The following PGLYRP2 variants were observed in gnomAD, a reference collection of about 807,000 sequenced individuals.
PGLYRP2 encodes the protein peptidoglycan recognition protein 2.
Under a neutral mutation model 46.2 loss-of-function variants are expected in PGLYRP2, and 38 were observed. The ratio of observed to expected loss-of-function variants is 0.82; its 90% CI spans 0.64 to 1.08. The LOEUF is 1.08. Ranked by LOEUF, PGLYRP2 falls within the 50% of genes least tolerant of loss-of-function variation. The probability of loss-of-function intolerance (pLI) is 0.00; values close to 1 mark genes in which losing one functional copy is unlikely to be tolerated. For missense variants in PGLYRP2, 713 were observed against 755.9 expected (o/e 0.94, Z 0.67); for synonymous variants, 289 against 329.4 (o/e 0.88, Z 1.33).
At position 15,475,936 on chromosome 19, in the gene PGLYRP2, G is replaced by A; in HGVS notation, c.734C>T (p.Thr245Ile). ...SQTQSHPDLG[T>I]EGCWDQLSAP... ...AGAGAGCTGGTCCCAGCAGCCCTCA[G>A]TTCCCAGGTCTGGATGGCTCTGGGT... is the stretch of plus-strand genomic sequence containing the variant. Residue 245 changes from threonine (T) to isoleucine (I), a missense_variant, in exon 2 of 5, where the codon ACT becomes ATT. By Grantham distance (89) the Thr-to-Ile change is moderately conservative. Coordinates refer to ENST00000340880, the MANE Select transcript of PGLYRP2 (RefSeq NM_052890.4). The A allele has an allele frequency of 6.2e-7, 1 of 1,614,190 alleles. No homozygotes were observed.
At position 15,469,880 on chromosome 19, in the gene PGLYRP2, A is replaced by C. The variant is rs759340112; in HGVS notation, c.1393T>G (p.Trp465Gly). 2 of 1,484,042 alleles carry C rather than the reference A, an allele frequency of 1.3e-6. No homozygotes were observed. The highest frequency in any genetic ancestry group is 1.3e-5 in the South Asian group (1 of 74,506). The allele number at this position is 1,484,042 out of a possible 1,614,324, so 91.9% of individuals were successfully genotyped here. A position where few individuals can be genotyped will look rare whatever the true frequency, so the allele number is the denominator to read the frequency against. ...GYVYEGRGWHWVGAHTLGHNS... is the reference protein window; with the variant it reads ...GYVYEGRGWHGVGAHTLGHNS... ...TGGCCGAGCGTGTGGGCGCCCACCC[A>C]GTGCCAGCCGCGTCCCTCGTACACG... Residue 465 changes from tryptophan to glycine, a missense_variant, in exon 4 of 5, where the codon TGG becomes GGG. Coordinates refer to ENST00000340880, the MANE Select transcript of PGLYRP2 (RefSeq NM_052890.4). This position sits in a 1 kb window ranked among gnomAD's most constrained non-coding sequence, Gnocchi z 4.9.
chr19:15,476,009 C>T lies in PGLYRP2; in HGVS notation c.661G>A (p.Val221Ile), dbSNP rs764281051. ...AGGCCCAGGTTTCCAGCCAGGGTGA[C>T]TGCCAGGAGGCTGTCCACCATGGTC... ...PPTMVDSLLA[V>I]TLAGNLGLTF... Residue 221 changes from valine to isoleucine, a missense_variant, in exon 2 of 5, where the codon GTC becomes ATC. By Grantham distance (29) the Val-to-Ile change is conservative (BLOSUM62 3). Coordinates refer to ENST00000340880, the MANE Select transcript of PGLYRP2 (RefSeq NM_052890.4). 1 of 1,614,074 alleles carries T rather than the reference C, an allele frequency of 6.2e-7. No homozygotes were observed. Among genetic ancestry groups the T allele is most frequent in the Non-Finnish European group, 8.5e-7 (1 of 1,180,044 alleles).
intron 2 of PGLYRP2, 117 bp downstream of exon 2, chr19:15,475,421 C>A: frequency 1.9e-6 from 2 of 1,028,778 alleles, no homozygotes; most frequent in Non-Finnish European, 2.9e-6. Flanking sequence ...CCACCCCCGA[C>A]CAGATCCCTT....
intron 1 of PGLYRP2, among the ~76,000 whole-genome samples, chr19:15,478,707 A>G (rs1970819800): frequency 6.6e-6 from 1 of 150,538 alleles, no homozygotes; most frequent in Admixed American, 6.6e-5. Context: ...GCTCACTGCA[A>G]CCTCCTGAGT....
rs374903560 is a variant in PGLYRP2, at chr19:15,476,345, C to A, written c.325G>T (p.Gly109Trp). 1.2e-5 allele frequency: 19 copies of A among 1,614,032 alleles called. No homozygotes were observed. Among genetic ancestry groups the A allele is most frequent in the Non-Finnish European group, 1.4e-5 (17 of 1,180,028 alleles). Reference protein sequence around the residue: ...RHDVREGKEYGVVLAPDGSTV... With the variant: ...RHDVREGKEYWVVLAPDGSTV... ...GAGCCATCAGGTGCCAGCACCACCCCATATTCCTTCCCTTCTCGTACGTCA... is the reference window on the plus strand; with the variant it reads ...GAGCCATCAGGTGCCAGCACCACCCAATATTCCTTCCCTTCTCGTACGTCA... Residue 109 changes from glycine to tryptophan, a missense_variant, in exon 2 of 5, where the codon GGG becomes TGG. Physicochemically the swap from Gly to Trp is radical, Grantham distance 184 (BLOSUM62 -2). Transcript: ENST00000340880.
intron 2 of PGLYRP2, among the ~76,000 whole-genome samples, chr19:15,474,308 G>T (rs1344058433): frequency 6.6e-6 from 1 of 152,108 alleles, no homozygotes; most frequent in African/African-American, 2.4e-5. Flanking sequence ...TTGCACTCCA[G>T]CCTGGGAGAC....
chr19:15,478,748 G>A (rs958681689), intron 1 of PGLYRP2, among the ~76,000 whole-genome samples: 9 of 151,876 alleles, frequency 5.9e-5, no homozygotes, highest in Non-Finnish European at 1.2e-4. Flanking sequence ...AGCCTCCTGG[G>A]TAGCTGGGAT....
Position 15,469,386 on chromosome 19 carries a change from A to G in PGLYRP2, c.1641+246T>C. 2.8e-6 allele frequency: 2 copies of G among 709,284 alleles called. No homozygotes were observed. The allele number at this position is 709,284 out of a possible 1,614,324, so 43.9% of individuals were successfully genotyped here. A position where few individuals can be genotyped will look rare whatever the true frequency, so the allele number is the denominator to read the frequency against. The stretch of plus-strand genomic sequence containing the variant: ...AGAGGTATTAGGAGCTGGGGAAAGG[A>G]CAGGCTGGCTGGGTCTGGGGCTGAG... On this transcript the variant is annotated intron_variant, in intron 4 of 4. Transcript: ENST00000340880. This position sits in a 1 kb window ranked among gnomAD's most constrained non-coding sequence, Gnocchi z 4.9.
At chr19:15,470,417 C>G (rs1970737412) in intron 3 of PGLYRP2, among the ~76,000 whole-genome samples, 1 of 151,624 alleles carries the variant, frequency 6.6e-6, no homozygotes. Context: ...CTGCCTCAGC[C>G]TCCGGAGTAG....
chr19:15,472,061 G>A lies in PGLYRP2; in HGVS notation c.1172C>T (p.Ala391Val). 1.2e-6 allele frequency: 2 copies of A among 1,607,942 alleles called. No homozygotes were observed. Among genetic ancestry groups the A allele is most frequent in the Non-Finnish European group, 1.7e-6 (2 of 1,179,822 alleles). ...CAGCTTCGGGCGGCCCCGATAAGGCGCCGCTCCCCAGCGGCAGCGGGGGTG... is the reference window on the plus strand; with the variant it reads ...CAGCTTCGGGCGGCCCCGATAAGGCACCGCTCCCCAGCGGCAGCGGGGGTG... ...AIHPRCRWGA[A>V]PYRGRPKLLQ... Residue 391 changes from alanine (A) to valine (V), a missense_variant, in exon 3 of 5, where the codon GCG becomes GTG. Transcript: ENST00000340880.
intron 1 of PGLYRP2, among the ~76,000 whole-genome samples, chr19:15,477,392 CAAA>C (rs34640786): frequency 0.33 from 26,390 of 80,096 alleles, 2,972 homozygotes; most frequent in East Asian, 0.46. Context: ...GACTTTGTCT[CAAA>C]AAAAAAAAAA....
At position 15,476,693 on chromosome 19, in the gene PGLYRP2, G is replaced by A. The variant is rs1970801313; in HGVS notation, c.62-85C>T. On this transcript the variant is annotated intron_variant, in intron 1 of 4. Transcript: ENST00000340880. Reference sequence around the variant, plus strand: ...ATTCCACATCTACCCAATGCTCCCAGCCCTCCATCTGATAACCCCATGACC... The same window carrying A: ...ATTCCACATCTACCCAATGCTCCCAACCCTCCATCTGATAACCCCATGACC... 5.2e-6 allele frequency: 6 copies of A among 1,160,290 alleles called. No homozygotes were observed. In the East Asian group the frequency reaches 1.0e-4, roughly 20 times the overall value. The allele number at this position is 1,160,290 out of a possible 1,614,324, so 71.9% of individuals were successfully genotyped here. A position where few individuals can be genotyped will look rare whatever the true frequency, so the allele number is the denominator to read the frequency against.
At chr19:15,473,810 CAAGAAAGAA>C (rs2145517505) in intron 2 of PGLYRP2, among the ~76,000 whole-genome samples, 1 of 103,304 alleles carries the variant, frequency 9.7e-6, no homozygotes, top group Admixed American at 1.1e-4. Context: ...TCAAACAATT[CAAGAAAGAA>C]AAGAAAGAAA....
In PGLYRP2 at chr19:15,476,530, C is replaced by A. The variant is rs370923595; in HGVS notation, c.140G>T (p.Arg47Ile). ...CATCAGCCACGCAGAAGCTGTGTGT[C>A]TGGTCTTGGCAGCTGGCACTTTCTG... ...LEQKVPAAKT[R>I]HTASAWLMSA... Residue 47 changes from arginine (R) to isoleucine (I), a missense_variant, in exon 2 of 5, where the codon AGA becomes ATA. Transcript: ENST00000340880. 6 of 1,613,834 alleles carry A rather than the reference C, an allele frequency of 3.7e-6. No homozygotes were observed. In the African/African-American group the frequency reaches 8.0e-5, roughly 22 times the overall value.
At chr19:15,475,072 ACAAAT>A (rs1217249775) in intron 2 of PGLYRP2, among the ~76,000 whole-genome samples, 1 of 152,154 alleles carries the variant, frequency 6.6e-6, no homozygotes, top group Non-Finnish European at 1.5e-5. Context: ...ACACAGAAAG[ACAAAT>A]ACCGTAAGTT....
chr19:15,477,842 T>TA (rs536608174), intron 1 of PGLYRP2, among the ~76,000 whole-genome samples: 17 of 152,252 alleles, frequency 1.1e-4, no homozygotes, highest in African/African-American at 4.1e-4. Context: ...AATGCTAAGT[T>TA]AGGCTCAGAG....
rs1170064424 is a variant in PGLYRP2 at position 15,475,607 on chromosome 19, A to G, written c.1063T>C (p.Cys355Arg). The change falls in exon 2 of 5, where the codon TGC becomes CGC. Residue 355 changes from cysteine (C) to arginine (R), a missense_variant. Transcript: ENST00000340880. ...TGGGCCAGCTGTTCTTGGCTCATGCACTGAAGCTGGAGGTGTACTGGCTCC... is the reference window on the plus strand; with the variant it reads ...TGGGCCAGCTGTTCTTGGCTCATGCGCTGAAGCTGGAGGTGTACTGGCTCC... ...RLEPVHLQLQ[C>R]MSQEQLAQVA... 6.2e-7 allele frequency: 1 copy of G among 1,614,064 alleles called. No individual in the cohort carries two copies. The highest frequency in any genetic ancestry group is 1.7e-5 in the Admixed American group (1 of 60,002).
chr19:15,475,498 T>C, intron 2 of PGLYRP2, 40 bp downstream of exon 2: 1 of 1,526,294 alleles, frequency 6.6e-7, no homozygotes, highest in South Asian at 1.3e-5. Context: ...CGTCTGTGTC[T>C]GTAATGGGAA....
intron 1 of PGLYRP2, among the ~76,000 whole-genome samples, chr19:15,477,279 G>C (rs906831674): frequency 1.3e-5 from 2 of 151,446 alleles, no homozygotes; most frequent in African/African-American, 2.4e-5. Context: ...TGTAATCCCA[G>C]CTACTTGGGA....
Sources: gnomAD v4.1 joint callset for allele counts (sites outside exome capture counted in the v4.1 genomes callset) on GRCh38, gnomAD v4.1.1 for gene constraint, Gnocchi (gnomAD v3.1) non-coding constraint, MANE v1.5 for transcripts, NCBI Gene and HGNC (gene_info 2026-07-23, HGNC 2026-07-21) for gene names.